Variants in EPB41L4B observed in about 807,000 individuals in gnomAD.
EPB41L4B encodes the protein erythrocyte membrane protein band 4.1 like 4B, also known as band 4.1-like protein 4B.
A neutral mutation model predicts 112.5 loss-of-function variants in EPB41L4B; 30 were observed. The ratio of observed to expected loss-of-function variants is 0.27; its 90% CI spans 0.20 to 0.36. The LOEUF (loss-of-function observed/expected upper bound fraction) is 0.36, where lower values mean the gene tolerates loss of function less well. Among genes scored for constraint, EPB41L4B ranks in the 10% least tolerant of loss-of-function variants. The pLI, the probability that EPB41L4B is intolerant of heterozygous loss-of-function variation, is 1.00. For missense variants in EPB41L4B, 1,024 were observed against 1,133.3 expected, an observed-to-expected ratio of 0.90 and a Z score of 1.38; for synonymous variants, 408 against 439.7, an observed-to-expected ratio of 0.93 and a Z score of 0.90.
At chr9:109,267,185 A>T (rs1835438282) in intron 4 of EPB41L4B, among the ~76,000 whole-genome samples, 1 of 152,210 alleles carries the variant, frequency 6.6e-6, no homozygotes, top group African/African-American at 2.4e-5. Flanking sequence ...TGTAGTTGAG[A>T]TAAAAATAAA....
intron 15 of EPB41L4B, among the ~76,000 whole-genome samples, chr9:109,225,411 G>A (rs988898374): frequency 1.3e-5 from 2 of 152,196 alleles, no homozygotes; most frequent in East Asian, 1.9e-4. Context: ...ACAGTTCCAC[G>A]TGGCTGGAGA....
At chr9:109,312,407 A>G (rs1837449042) in intron 1 of EPB41L4B, among the ~76,000 whole-genome samples, 1 of 152,174 alleles carries the variant, frequency 6.6e-6, no homozygotes, top group African/African-American at 2.4e-5. Flanking sequence ...GAGTCTAACT[A>G]AAGAAGTAAA....
At position 109,251,500 on chromosome 9, in the gene EPB41L4B, C is replaced by A; in HGVS notation, c.1291G>T (p.Val431Leu). ...ACTCACCAGAGCTGGGCTGCTATCA[C>A]TGGGTTGCTTGCTATAAAGGAAAAA... Reference protein sequence around the residue: ...RHSTFKASNPVIAAQLCSKTN... With the variant: ...RHSTFKASNPLIAAQLCSKTN... Residue 431 changes from valine to leucine, a missense_variant, in exon 13 of 26, where the codon GTG becomes TTG. Transcript: ENST00000374566. 1 of 1,614,128 alleles carries A rather than the reference C, an allele frequency of 6.2e-7. No homozygotes were observed. The highest frequency in any genetic ancestry group is 8.5e-7 in the Non-Finnish European group (1 of 1,179,940).
chr9:109,184,366 C>A (rs1222877001), intron 23 of EPB41L4B, among the ~76,000 whole-genome samples: 1 of 152,098 alleles, frequency 6.6e-6, no homozygotes, highest in Non-Finnish European at 1.5e-5. Flanking sequence ...ATTACAGGCA[C>A]GTGCCACGAT....
intron 15 of EPB41L4B, among the ~76,000 whole-genome samples, chr9:109,221,365 A>G (rs928204658): frequency 2.0e-5 from 3 of 152,200 alleles, no homozygotes; most frequent in African/African-American, 7.2e-5. Flanking sequence ...GTTGAAAATA[A>G]TATCTGTCCT....
chr9:109,266,333 G>A (rs1001790098), intron 4 of EPB41L4B, among the ~76,000 whole-genome samples: 3 of 151,982 alleles, frequency 2.0e-5, no homozygotes, highest in Non-Finnish European at 4.4e-5. Context: ...CTGTGATCAC[G>A]CCACTGCACT....
At chr9:109,180,433 G>A (rs765776337) in intron 24 of EPB41L4B, among the ~76,000 whole-genome samples, 4 of 152,352 alleles carry the variant, frequency 2.6e-5, no homozygotes, top group Non-Finnish European at 4.4e-5. Flanking sequence ...CAGCAAGACT[G>A]CAGGGAGCCA....
intron 3 of EPB41L4B, 143 bp downstream of exon 3, chr9:109,268,248 A>T (rs958284535): frequency 1.8e-4 from 141 of 765,382 alleles, no homozygotes; most frequent in Middle Eastern, 9.3e-4. Flanking sequence ...TAGCCTTAAG[A>T]AATTAAAAAT....
chr9:109,246,129 C>T (rs1459733009), intron 14 of EPB41L4B, among the ~76,000 whole-genome samples: 1 of 152,180 alleles, frequency 6.6e-6, no homozygotes, highest in Non-Finnish European at 1.5e-5. Context: ...TGGCCGGGCA[C>T]GGTGGCTCAC....
At chr9:109,221,495 C>G (rs563303909) in intron 15 of EPB41L4B, among the ~76,000 whole-genome samples, 1 of 152,068 alleles carries the variant, frequency 6.6e-6, no homozygotes, top group East Asian at 1.9e-4. Context: ...CTTGCTGCCG[C>G]CAGCTTATTA....
chr9:109,213,569 T>C (rs969234608), intron 17 of EPB41L4B, 131 bp downstream of exon 17: 1 of 704,416 alleles, frequency 1.4e-6, no homozygotes, highest in South Asian at 1.8e-5. Context: ...TGAACAGAAA[T>C]GTCAGGAAAG....
At chr9:109,283,535 T>A (rs1378631753) in intron 1 of EPB41L4B, among the ~76,000 whole-genome samples, 2 of 151,852 alleles carry the variant, frequency 1.3e-5, no homozygotes, top group Admixed American at 6.6e-5. Flanking sequence ...CCACGATACA[T>A]CAACACTCCA....
chr9:109,262,796 G>T (rs1464729723), intron 6 of EPB41L4B, among the ~76,000 whole-genome samples: 1 of 152,122 alleles, frequency 6.6e-6, no homozygotes, highest in South Asian at 2.1e-4. Flanking sequence ...CTTGACTCAT[G>T]GTCTTCTCAT....
intron 24 of EPB41L4B, among the ~76,000 whole-genome samples, chr9:109,178,592 C>T (rs549160858): frequency 6.6e-6 from 1 of 152,120 alleles, no homozygotes; most frequent in South Asian, 2.1e-4. Flanking sequence ...AGAACAAGGG[C>T]TAGCTGACAC....
Position 109,320,624 on chromosome 9 carries a change from C to A in EPB41L4B, c.-178G>T, listed in dbSNP as rs1445329185. 6.0e-6 allele frequency: 1 copy of A among 166,132 alleles called. No individual in the cohort carries two copies. The highest frequency in any genetic ancestry group is 2.5e-5 in the African/African-American group (1 of 40,704). The allele number at this position is 166,132 out of a possible 1,614,324, so 10.3% of individuals were successfully genotyped here. On this transcript the variant is annotated 5_prime_UTR_variant, in exon 1 of 26. Transcript: ENST00000374566. Reference sequence around the variant, plus strand: ...GCCGAGGCCGAGGCCGCGCTCTAGCCGCCTGCGGGGCGCGCCGGCCCGGCC... The same window carrying A: ...GCCGAGGCCGAGGCCGCGCTCTAGCAGCCTGCGGGGCGCGCCGGCCCGGCC...
intron 1 of EPB41L4B, among the ~76,000 whole-genome samples, chr9:109,307,987 G>T (rs1837277197): frequency 6.6e-6 from 1 of 152,134 alleles, no homozygotes. Flanking sequence ...CAAGGCAGAT[G>T]GGAAAGGCCT....
At chr9:109,317,224 T>C (rs1837667181) in intron 1 of EPB41L4B, among the ~76,000 whole-genome samples, 2 of 152,188 alleles carry the variant, frequency 1.3e-5, no homozygotes, top group Non-Finnish European at 2.9e-5. Flanking sequence ...CTTTATTATA[T>C]ACAACAACTG....
intron 16 of EPB41L4B, among the ~76,000 whole-genome samples, chr9:109,215,025 C>G (rs776982527): frequency 2.6e-5 from 4 of 152,130 alleles, no homozygotes; most frequent in Non-Finnish European, 5.9e-5. Flanking sequence ...TTCTTCAATA[C>G]CAAGTGGGTG....
At chr9:109,200,134 G>A in intron 20 of EPB41L4B, 102 bp downstream of exon 20, 1 of 862,108 alleles carries the variant, frequency 1.2e-6, no homozygotes, top group Non-Finnish European at 1.8e-6. Flanking sequence ...GGAATTTGGG[G>A]GCTGCTCCCT....
Sources: allele counts gnomAD v4.1 joint callset (sites outside exome capture counted in the v4.1 genomes callset), GRCh38; gene constraint gnomAD v4.1.1; transcripts MANE v1.5; gene names NCBI Gene and HGNC (gene_info 2026-07-23, HGNC 2026-07-21).